ZFAT: variants seen among roughly 807,000 people sequenced by gnomAD.
ZFAT encodes zinc finger protein ZFAT.
ZFAT carries 64 observed loss-of-function variants against 117.7 expected under a neutral mutation model. That is an observed-to-expected ratio of 0.54 (90% confidence interval 0.44 to 0.67). The LOEUF (loss-of-function observed/expected upper bound fraction) is 0.67. Among genes scored for constraint, ZFAT ranks in the 30% least tolerant of loss-of-function variants. The pLI, the probability that ZFAT is intolerant of heterozygous loss-of-function variation, is 0.00. For missense variants in ZFAT, 1,433 were observed against 1,584.5 expected, an observed-to-expected ratio of 0.90 and a Z score of 1.62; for synonymous variants, 679 against 615.0, an observed-to-expected ratio of 1.10 and a Z score of -1.54.
In ZFAT at chr8:134,478,381, A is replaced by G; in HGVS notation, c.*101T>C. The G allele has an allele frequency of 6.8e-7, 1 of 1,468,082 alleles. No homozygotes were observed. The highest frequency in any genetic ancestry group is 9.1e-7 in the Non-Finnish European group (1 of 1,104,240). 90.9% of individuals were successfully genotyped at this position (1,468,082 alleles called of 1,614,324 possible). ...CTGCTGGGCAGGGAGGGCAAAGGAG[A>G]GCACCATTCTGCGGGTAGGGCAGGA... On this transcript the variant is annotated 3_prime_UTR_variant, in exon 16 of 16. Coordinates refer to ENST00000377838, the MANE Select transcript of ZFAT (RefSeq NM_020863.4). The surrounding 1 kb of genome is among the most constrained non-coding windows in gnomAD (Gnocchi z 5.2).
the ZFAT span, among the ~76,000 whole-genome samples, chr8:134,803,720 C>A: frequency 1.3e-5 from 2 of 152,118 alleles, no homozygotes; most frequent in Non-Finnish European, 2.9e-5. Flanking sequence ...GACACTGCTG[C>A]AATAAGATAA....
At chr8:134,643,910 C>T (rs1471217640) in intron 2 of ZFAT, among the ~76,000 whole-genome samples, 1 of 152,306 alleles carries the variant, frequency 6.6e-6, no homozygotes, top group East Asian at 1.9e-4. Flanking sequence ...CACTACACTG[C>T]GCTGCTGACC....
At chr8:134,531,391 G>A (rs947468509) in intron 12 of ZFAT, among the ~76,000 whole-genome samples, 2 of 152,196 alleles carry the variant, frequency 1.3e-5, no homozygotes, top group Non-Finnish European at 2.9e-5. Flanking sequence ...TGTGATTCCT[G>A]GACATGGGGC....
At chr8:134,511,998 A>T (rs1819883664) in intron 14 of ZFAT, among the ~76,000 whole-genome samples, 1 of 152,120 alleles carries the variant, frequency 6.6e-6, no homozygotes, top group Non-Finnish European at 1.5e-5. Flanking sequence ...TAGGCCCTGG[A>T]GGAGATGTCC....
chr8:134,634,146 G>A (rs1278065376), intron 3 of ZFAT, among the ~76,000 whole-genome samples: 1 of 152,110 alleles, frequency 6.6e-6, no homozygotes, highest in East Asian at 1.9e-4. Flanking sequence ...GTAAAACACT[G>A]AGAACAGCAA....
intron 1 of ZFAT, among the ~76,000 whole-genome samples, chr8:134,660,945 T>TCTGTG (rs1831893775): frequency 1.3e-5 from 2 of 152,260 alleles, no homozygotes; most frequent in South Asian, 4.1e-4. Flanking sequence ...GAATTTGCAT[T>TCTGTG]AACACATGTG....
At chr8:134,507,681 A>G (rs1819516149) in intron 15 of ZFAT, among the ~76,000 whole-genome samples, 1 of 152,150 alleles carries the variant, frequency 6.6e-6, no homozygotes, top group African/African-American at 2.4e-5. Context: ...GCTATAACCC[A>G]ACCCCTGTGA....
At chr8:134,553,565 G>A (rs1403194570) in intron 11 of ZFAT, among the ~76,000 whole-genome samples, 1 of 152,192 alleles carries the variant, frequency 6.6e-6, no homozygotes, top group African/African-American at 2.4e-5. Context: ...GGAATTAAGT[G>A]AATATGACTG....
At chr8:134,622,740 G>A (rs568953256) in intron 3 of ZFAT, among the ~76,000 whole-genome samples, 22 of 152,198 alleles carry the variant, frequency 1.4e-4, no homozygotes, top group African/African-American at 5.3e-4. Flanking sequence ...GGCACCAGCA[G>A]GAGATGAAAG....
At chr8:134,640,835 A>T (rs1000801485) in intron 2 of ZFAT, among the ~76,000 whole-genome samples, 3 of 152,202 alleles carry the variant, frequency 2.0e-5, no homozygotes, top group African/African-American at 4.8e-5. Flanking sequence ...TGCTGCTGTC[A>T]ACTACTCGCA....
the ZFAT span, among the ~76,000 whole-genome samples, chr8:134,752,707 A>T: frequency 6.6e-6 from 1 of 152,132 alleles, no homozygotes; most frequent in East Asian, 1.9e-4. Flanking sequence ...GTCTGGTGAG[A>T]ACTCACTTCC....
chr8:134,763,246 T>C, the ZFAT span, among the ~76,000 whole-genome samples: 3 of 152,208 alleles, frequency 2.0e-5, no homozygotes, highest in East Asian at 5.8e-4. Flanking sequence ...CCATCAACTA[T>C]AAGGCCTTAA....
At position 134,508,294 on chromosome 8, in the gene ZFAT, A is replaced by T. The variant is rs151287942; in HGVS notation, c.3492+1325T>A. Among the ~76,000 whole-genome samples, 10 of 152,316 alleles carry T rather than the reference A, an allele frequency of 6.6e-5. No individual in the cohort carries two copies. The East Asian group carries it at 1.9e-3, about 29-fold the overall frequency. On this transcript the variant is annotated intron_variant, in intron 15 of 15. Transcript: ENST00000377838. ...GCACACTCAGGGGACAGTTGTGGAG[A>T]CAGCGCTGGGATGTCCCCTCCTGGC...
rs1158848572 is a variant in ZFAT, at chr8:134,601,588, C to G, written c.2131G>C (p.Gly711Arg). 2 of 1,614,234 alleles carry G rather than the reference C, an allele frequency of 1.2e-6. No homozygotes were observed. The highest frequency in any genetic ancestry group is 1.7e-6 in the Non-Finnish European group (2 of 1,180,048). The change falls in exon 6 of 16, where the codon GGC becomes CGC. Residue 711 changes from glycine (G) to arginine (R), a missense_variant. Gly to Arg is a moderately radical substitution (Grantham distance 125, BLOSUM62 -2). Around this residue, in one of 5 missense-constraint regions of ZFAT, gnomAD observed 372 missense variants for 355.6 expected, o/e 1.05. Transcript: ENST00000377838. ...SCKAAPEHRSGITAFMKVLNS... is the reference protein window; with the variant it reads ...SCKAAPEHRSRITAFMKVLNS... Reference sequence around the variant, plus strand: ...AGGACCTTCATGAAAGCGGTGATGCCTGACCGGTGCTCAGGGGCAGCTTTG... The same window carrying G: ...AGGACCTTCATGAAAGCGGTGATGCGTGACCGGTGCTCAGGGGCAGCTTTG...
chr8:134,649,346 C>G (rs138392475), intron 2 of ZFAT, among the ~76,000 whole-genome samples: 1 of 152,026 alleles, frequency 6.6e-6, no homozygotes, highest in East Asian at 1.9e-4. Context: ...TACAAAGAAT[C>G]CAGATTAGAA....
chr8:134,807,727 A>C, the ZFAT span, among the ~76,000 whole-genome samples: 72 of 152,002 alleles, frequency 4.7e-4, 1 homozygote, highest in African/African-American at 1.5e-3. Context: ...AAAAAAAAAA[A>C]ACAAAAAACA....
At position 134,478,237 on chromosome 8, in the gene ZFAT, G is replaced by A. The variant is rs950730839; in HGVS notation, c.*245C>T. ...GGGGAGCTGACACTGAAGTCTTTCA[G>A]GAAGCAGATGGTAAGGGTCAGGGGG... On this transcript the variant is annotated 3_prime_UTR_variant, in exon 16 of 16. Coordinates refer to ENST00000377838, the MANE Select transcript of ZFAT (RefSeq NM_020863.4). The surrounding 1 kb of genome is among the most constrained non-coding windows in gnomAD (Gnocchi z 5.2). 10 of 559,560 alleles carry A rather than the reference G, an allele frequency of 1.8e-5. No homozygotes were observed. Among genetic ancestry groups the A allele is most frequent in the African/African-American group, 1.3e-4 (7 of 53,466 alleles). The allele number at this position is 559,560 out of a possible 1,614,324, so 34.7% of individuals were successfully genotyped here.
At chr8:134,798,848 T>C in the ZFAT span, among the ~76,000 whole-genome samples, 1 of 152,158 alleles carries the variant, frequency 6.6e-6, no homozygotes, top group Non-Finnish European at 1.5e-5. Flanking sequence ...AAAGAAAAAT[T>C]CTATATTTTA....
intron 15 of ZFAT, among the ~76,000 whole-genome samples, chr8:134,495,823 T>C (rs562718958): frequency 6.6e-6 from 1 of 152,152 alleles, no homozygotes; most frequent in South Asian, 2.1e-4. Context: ...CCAGCTACTC[T>C]GGAGGCTGGA....
Sources: allele counts gnomAD v4.1 joint callset (sites outside exome capture counted in the v4.1 genomes callset), GRCh38; gene constraint gnomAD v4.1.1; regional missense constraint gnomAD v4.1.1; non-coding constraint Gnocchi (gnomAD v3.1); transcripts MANE v1.5; gene names NCBI Gene and HGNC (gene_info 2026-07-23, HGNC 2026-07-21).